ALDH3B1: variants seen among roughly 807,000 people sequenced by gnomAD.
ALDH3B1 encodes the protein aldehyde dehydrogenase family 3 member B1.
Under a neutral mutation model 46.2 loss-of-function variants are expected in ALDH3B1, and 37 were observed. The ratio of observed to expected loss-of-function variants is 0.80; its 90% CI spans 0.62 to 1.05. The LOEUF (loss-of-function observed/expected upper bound fraction) is 1.05. Ranked by LOEUF, ALDH3B1 falls within the 50% of genes least tolerant of loss-of-function variation. ALDH3B1 has a pLI of 0.00. For missense variants in ALDH3B1, 603 were observed against 665.5 expected, an observed-to-expected ratio of 0.91 and a Z score of 1.03; for synonymous variants, 283 against 281.0, an observed-to-expected ratio of 1.01 and a Z score of -0.07.
intron 9 of ALDH3B1, 23 bp downstream of exon 9, chr11:68,026,131 T>TGGCCGGGCGCGG: frequency 6.4e-7 from 1 of 1,564,606 alleles, no homozygotes; most frequent in Non-Finnish European, 8.7e-7. Flanking sequence ...TACCCTGCCC[T>TGGCCGGGCGCGG]TCTGTTACCA....
At position 68,027,730 on chromosome 11, in the gene ALDH3B1, G is replaced by C; in HGVS notation, c.1217-19G>C. ...AGACCCCCAGCGCCTGACCACCTGTGTTCTGTGCCACTGTACAGGTGCCAG... is the reference window on the plus strand; with the variant it reads ...AGACCCCCAGCGCCTGACCACCTGTCTTCTGTGCCACTGTACAGGTGCCAG... On this transcript the variant is annotated intron_variant, in intron 9 of 9. Coordinates refer to ENST00000342456, the MANE Select transcript of ALDH3B1 (RefSeq NM_000694.4). 1 of 1,552,056 alleles carries C rather than the reference G, an allele frequency of 6.4e-7. No individual in the cohort carries two copies. Among genetic ancestry groups the C allele is most frequent in the Non-Finnish European group, 8.7e-7 (1 of 1,146,872 alleles).
At chr11:68,019,316 C>T in intron 5 of ALDH3B1, 61 bp downstream of exon 5, 1 of 1,490,844 alleles carries the variant, frequency 6.7e-7, no homozygotes, top group Non-Finnish European at 9.2e-7. Context: ...CTGGGCAGCC[C>T]CTGGCATGGA....
chr11:68,012,811 G>A (rs192727382), intron 1 of ALDH3B1, among the ~76,000 whole-genome samples: 3 of 152,262 alleles, frequency 2.0e-5, no homozygotes, highest in African/African-American at 4.8e-5. Context: ...TGGGAGCTGA[G>A]GTGGATAGCC....
chr11:68,022,839 A>T, intron 8 of ALDH3B1, 78 bp downstream of exon 8: 1 of 1,578,642 alleles, frequency 6.3e-7, no homozygotes. Flanking sequence ...GGGGGCACCA[A>T]AATCCAGTGG....
chr11:68,018,505 T>G, intron 2 of ALDH3B1, 22 bp from the exon 3 acceptor site: 2 of 743,506 alleles, frequency 2.7e-6, no homozygotes, highest in Non-Finnish European at 4.3e-6. Context: ...TGGCCCACCC[T>G]GACCCCACCC....
At chr11:68,024,122 G>A (rs1001479458) in intron 8 of ALDH3B1, 3 of 152,222 alleles carry the variant, frequency 2.0e-5, no homozygotes, top group African/African-American at 7.2e-5. Context: ...AGCTTAAGGA[G>A]TGCTGGACAG....
At chr11:68,011,639 T>C (rs1857232432) in intron 1 of ALDH3B1, among the ~76,000 whole-genome samples, 1 of 152,166 alleles carries the variant, frequency 6.6e-6, no homozygotes, top group Admixed American at 6.5e-5. Flanking sequence ...GGCCTAGTGA[T>C]CCCCGCCTTC....
In ALDH3B1 at chr11:68,019,757, C is replaced by A; in HGVS notation, c.523C>A (p.Gln175Lys). 6.2e-7 allele frequency: 1 copy of A among 1,614,142 alleles called. No individual in the cohort carries two copies. Reference protein sequence around the residue: ...VVLGGPQETGQLLEHRFDYIF... With the variant: ...VVLGGPQETGKLLEHRFDYIF... ...GCTGGGCGGGCCCCAGGAGACGGGG[C>A]AGCTGCTAGAGCACAGGTTCGACTA... Residue 175 changes from glutamine to lysine, a missense_variant, in exon 6 of 10, where the codon CAG (glutamine) becomes AAG (lysine). Physicochemically the swap from Gln to Lys is moderately conservative, Grantham distance 53. Coordinates refer to ENST00000342456, the MANE Select transcript of ALDH3B1 (RefSeq NM_000694.4).
At chr11:68,012,386 G>T (rs1432173817) in intron 1 of ALDH3B1, among the ~76,000 whole-genome samples, 2 of 152,194 alleles carry the variant, frequency 1.3e-5, no homozygotes, top group African/African-American at 4.8e-5. Flanking sequence ...GGCTGGTCCT[G>T]CCCTGGCCCC....
chr11:68,026,227 G>A (rs1590783794), intron 9 of ALDH3B1, 119 bp downstream of exon 9: 2 of 883,464 alleles, frequency 2.3e-6, no homozygotes, highest in Non-Finnish European at 3.3e-6. Context: ...CAGGCAAGGA[G>A]GCCTCACCCC....
intron 1 of ALDH3B1, among the ~76,000 whole-genome samples, chr11:68,012,972 C>A (rs1230797679): frequency 6.6e-6 from 1 of 152,090 alleles, no homozygotes; most frequent in Non-Finnish European, 1.5e-5. Context: ...TGAGCGAGGG[C>A]AGGCATGGGG....
chr11:68,016,105 G>C (rs957424366), intron 2 of ALDH3B1: 1 of 162,388 alleles, frequency 6.2e-6, no homozygotes, highest in Non-Finnish European at 1.3e-5. Context: ...AGCATATTGG[G>C]TTGAAATATG....
At chr11:68,019,566 C>T (rs1857437444) in intron 5 of ALDH3B1, 149 bp from the exon 6 acceptor site, 1 of 826,474 alleles carries the variant, frequency 1.2e-6, no homozygotes, top group Non-Finnish European at 1.9e-6. Flanking sequence ...TCCCTTCTCC[C>T]CACTTTGCCT....
At chr11:68,022,789 T>C in intron 8 of ALDH3B1, 28 bp downstream of exon 8, 3 of 1,612,592 alleles carry the variant, frequency 1.9e-6, no homozygotes, top group Non-Finnish European at 2.5e-6. Flanking sequence ...CTGGGCAGGG[T>C]CAGGAGCCCG....
rs755885207 is a variant in ALDH3B1 at position 68,021,773 on chromosome 11, G to A, written c.851G>A (p.Arg284His). 1.4e-5 allele frequency: 23 copies of A among 1,614,038 alleles called. No individual in the cohort carries two copies. The highest frequency in any genetic ancestry group is 1.6e-4 in the Middle Eastern group (1 of 6,084). Reference protein sequence around the residue: ...DDPQSSPNLGRIINQKQFQRL... With the variant: ...DDPQSSPNLGHIINQKQFQRL... Reference sequence around the variant, plus strand: ...CCCCAGAGCTCCCCAAACCTGGGCCGCATCATCAACCAGAAACAGTTCCAG... The same window carrying A: ...CCCCAGAGCTCCCCAAACCTGGGCCACATCATCAACCAGAAACAGTTCCAG... Residue 284 changes from arginine (R) to histidine (H), a missense_variant, in exon 7 of 10, where the codon CGC (arginine) becomes CAC (histidine). Arg to His is a conservative substitution (Grantham distance 29). Coordinates refer to ENST00000342456, the MANE Select transcript of ALDH3B1 (RefSeq NM_000694.4).
Position 68,028,235 on chromosome 11 carries a change from C to T in ALDH3B1, c.*296C>T, listed in dbSNP as rs570719358. The T allele has an allele frequency of 1.1e-5, 6 of 570,212 alleles. No homozygotes were observed. The highest frequency in any genetic ancestry group is 6.4e-5 in the South Asian group (4 of 62,868). The allele number at this position is 570,212 out of a possible 1,614,324, so 35.3% of individuals were successfully genotyped here. On this transcript the variant is annotated 3_prime_UTR_variant, in exon 10 of 10. Transcript: ENST00000342456. ...TCAGGAGAAGAGGACAGACACGGCA[C>T]CTCTGAGTCACCCCTCTCCTGTGGA...
rs375894932 is a variant in ALDH3B1, at chr11:68,019,768, G to A, written c.534G>A (p.Glu178=). The A allele has an allele frequency of 3.1e-6, 5 of 1,614,052 alleles. No individual in the cohort carries two copies. In the African/African-American group the frequency reaches 5.3e-5, roughly 17 times the overall value. ...CCCAGGAGACGGGGCAGCTGCTAGA[G>A]CACAGGTTCGACTACATCTTCTTCA... ...GGPQETGQLL[E]HRFDYIFFTG... is the part of the protein sequence containing the mutation. Residue 178 remains glutamate (E), a synonymous_variant, in exon 6 of 10, where the codon GAG becomes GAA. Coordinates refer to ENST00000342456, the MANE Select transcript of ALDH3B1 (RefSeq NM_000694.4).
chr11:68,015,903 T>C (rs372112933), intron 2 of ALDH3B1: 11 of 311,430 alleles, frequency 3.5e-5, no homozygotes, highest in South Asian at 2.0e-4. Context: ...CCGTCTCTAC[T>C]AACAATACAA....
intron 7 of ALDH3B1, 135 bp from the exon 8 acceptor site, chr11:68,022,460 C>A (rs1857522561): frequency 7.4e-6 from 9 of 1,219,628 alleles, no homozygotes; most frequent in Non-Finnish European, 1.0e-5. Context: ...CACTCCAAAG[C>A]CTGAAGCCTT....
Sources: gnomAD v4.1 joint callset for allele counts (sites outside exome capture counted in the v4.1 genomes callset) on GRCh38, gnomAD v4.1.1 for gene constraint, MANE v1.5 for transcripts, NCBI Gene and HGNC (gene_info 2026-07-23, HGNC 2026-07-21) for gene names.